The following THEMIS variants were observed in gnomAD, a reference collection of about 807,000 sequenced individuals.
THEMIS encodes the protein thymocyte selection associated.
Under a neutral mutation model 52.6 loss-of-function variants are expected in THEMIS, and 37 were observed. The observed-to-expected ratio is 0.70, with a 90% CI of 0.54 to 0.93. The LOEUF (loss-of-function observed/expected upper bound fraction) is 0.93, where lower values mean the gene tolerates loss of function less well. THEMIS is among the 40% of genes least tolerant of loss of function. THEMIS has a pLI of 0.00. For synonymous variants in THEMIS, 292 were observed against 272.7 expected, an observed-to-expected ratio of 1.07 and a Z score of -0.70; for missense variants, 808 against 763.1, an observed-to-expected ratio of 1.06 and a Z score of -0.69.
intron 4 of THEMIS, among the ~76,000 whole-genome samples, chr6:127,777,130 T>C (rs1413619236): frequency 6.6e-6 from 1 of 152,050 alleles, no homozygotes; most frequent in Non-Finnish European, 1.5e-5. Flanking sequence ...ATTGGAGTAT[T>C]TACCCATCTA....
At chr6:127,866,994 G>A (rs1360659908) in intron 1 of THEMIS, among the ~76,000 whole-genome samples, 1 of 137,482 alleles carries the variant, frequency 7.3e-6, no homozygotes, top group African/African-American at 2.6e-5. Context: ...ACTTTTGATA[G>A]AACTCAGTAG....
At chr6:127,886,050 C>G (rs1476198780) in intron 1 of THEMIS, among the ~76,000 whole-genome samples, 1 of 152,142 alleles carries the variant, frequency 6.6e-6, no homozygotes, top group East Asian at 1.9e-4. Context: ...TCACTCTCCC[C>G]CTCCTTCCAG....
At chr6:127,734,997 G>A (rs768156026) in intron 4 of THEMIS, among the ~76,000 whole-genome samples, 31 of 140,896 alleles carry the variant, frequency 2.2e-4, no homozygotes, top group Non-Finnish European at 4.1e-4. Context: ...ATATATACTG[G>A]AGTTCAGGAA....
At chr6:127,845,743 T>A (rs1175726682) in intron 2 of THEMIS, among the ~76,000 whole-genome samples, 2 of 151,874 alleles carry the variant, frequency 1.3e-5, no homozygotes, top group African/African-American at 4.8e-5. Context: ...TGTTTAACTT[T>A]TGTGGCTACC....
At chr6:127,905,930 T>C (rs550881270), upstream of THEMIS, among the ~76,000 whole-genome samples, 1 of 148,978 alleles carries the variant, frequency 6.7e-6, no homozygotes, top group South Asian at 2.1e-4. Flanking sequence ...TCAATTATAC[T>C]CTTAAAATAA....
At chr6:127,760,282 T>A (rs1207346842) in intron 4 of THEMIS, among the ~76,000 whole-genome samples, 1 of 152,162 alleles carries the variant, frequency 6.6e-6, no homozygotes, top group African/African-American at 2.4e-5. Context: ...TTTTGATTAT[T>A]GTAGATTTGT....
In THEMIS at chr6:127,845,007, C is replaced by T. The variant is rs9491879; in HGVS notation, c.250+10023G>A. 1.8e-3 allele frequency among the ~76,000 whole-genome samples: 276 copies of T among 151,260 alleles called. 4 individuals are homozygous for T. Among genetic ancestry groups the T allele is most frequent in the African/African-American group, 6.1e-3 (251 of 41,272 alleles). ...AATAAAATATTAATATAGGATGAAA[C>T]CAGTGGTGCATATATTTGGAGTTCA... is the stretch of plus-strand genomic sequence containing the variant. On this transcript the variant is annotated intron_variant, in intron 2 of 5. Coordinates refer to ENST00000368248, the MANE Select transcript of THEMIS (RefSeq NM_001010923.3).
intron 4 of THEMIS, among the ~76,000 whole-genome samples, chr6:127,750,667 T>C (rs912804159): frequency 6.6e-5 from 10 of 151,832 alleles, no homozygotes; most frequent in Admixed American, 4.6e-4. Context: ...TAATTGCTGA[T>C]GCAATTTTAA....
chr6:127,801,628 ATCCCCTCC>A (rs1170801849), intron 4 of THEMIS, among the ~76,000 whole-genome samples: 2 of 152,150 alleles, frequency 1.3e-5, no homozygotes, highest in Non-Finnish European at 2.9e-5. Flanking sequence ...TAGTGACAAC[ATCCCCTCC>A]TCAACCCATG....
chr6:127,733,238 C>A (rs1774871491), intron 4 of THEMIS, among the ~76,000 whole-genome samples: 1 of 152,084 alleles, frequency 6.6e-6, no homozygotes, highest in African/African-American at 2.4e-5. Flanking sequence ...ATATTCTGAA[C>A]ACAAATTTTT....
rs528456637 is a variant in THEMIS, at chr6:127,891,249, G to A, written c.91+9593C>T. The stretch of plus-strand genomic sequence containing the variant: ...ATCCATTAGAAAGTCCTTACATTTC[G>A]GCCAGGCGCGGTGGCTCACACCTGT... On this transcript the variant is annotated intron_variant, in intron 1 of 5. Coordinates refer to ENST00000368248, the MANE Select transcript of THEMIS (RefSeq NM_001010923.3). Among the ~76,000 whole-genome samples the A allele has an allele frequency of 1.4e-4, 22 of 151,728 alleles. No homozygotes were observed. In the East Asian group the frequency reaches 2.3e-3, roughly 16 times the overall value.
chr6:127,741,490 A>G (rs1023155984), intron 4 of THEMIS, among the ~76,000 whole-genome samples: 5 of 152,200 alleles, frequency 3.3e-5, no homozygotes, highest in Non-Finnish European at 5.9e-5. Context: ...AAATAAACCA[A>G]AGGAGGAGAA....
At chr6:127,876,097 T>C (rs1231435706) in intron 1 of THEMIS, among the ~76,000 whole-genome samples, 1 of 152,174 alleles carries the variant, frequency 6.6e-6, no homozygotes, top group Non-Finnish European at 1.5e-5. Context: ...AAGAATATAT[T>C]GGAAATGCAG....
intron 3 of THEMIS, among the ~76,000 whole-genome samples, chr6:127,824,878 T>C (rs564962392): frequency 6.6e-4 from 100 of 152,176 alleles, no homozygotes; most frequent in South Asian, 1.2e-3. Flanking sequence ...TGAGCGGAGA[T>C]TGCGCCACTG....
intron 2 of THEMIS, among the ~76,000 whole-genome samples, chr6:127,848,369 G>T (rs1779296559): frequency 6.6e-6 from 1 of 151,942 alleles, no homozygotes; most frequent in African/African-American, 2.4e-5. Context: ...CTTGTGAATA[G>T]TGCTGCAATA....
chr6:127,719,624 T>C, intron 5 of THEMIS, 64 bp downstream of exon 5: 1 of 1,444,414 alleles, frequency 6.9e-7, no homozygotes, highest in Admixed American at 2.3e-5. Context: ...ATCTGTCCAT[T>C]GCACCTTTGT....
At chr6:127,805,730 T>A (rs889752600) in intron 4 of THEMIS, among the ~76,000 whole-genome samples, 4 of 152,082 alleles carry the variant, frequency 2.6e-5, no homozygotes, top group Non-Finnish European at 4.4e-5. Flanking sequence ...AATGAAAACA[T>A]CACCGAAGAT....
chr6:127,874,610 G>C (rs568340346), intron 1 of THEMIS, among the ~76,000 whole-genome samples: 7 of 152,164 alleles, frequency 4.6e-5, no homozygotes, highest in African/African-American at 1.7e-4. Context: ...CTGCATATAA[G>C]TGGACCCACA....
At chr6:127,853,338 C>T (rs979379321) in intron 2 of THEMIS, among the ~76,000 whole-genome samples, 1 of 151,666 alleles carries the variant, frequency 6.6e-6, no homozygotes, top group African/African-American at 2.4e-5. Flanking sequence ...ACTGGCTGCT[C>T]ATTAGTATCA....
Sources: allele counts gnomAD v4.1 joint callset (sites outside exome capture counted in the v4.1 genomes callset), GRCh38; gene constraint gnomAD v4.1.1; transcripts MANE v1.5; gene names NCBI Gene and HGNC (gene_info 2026-07-23, HGNC 2026-07-21).